Variants in TEKT5 observed in about 807,000 individuals in gnomAD.
TEKT5 encodes the protein tektin 5.
TEKT5 carries 52 observed loss-of-function variants against 48.7 expected under a neutral mutation model. That is an observed-to-expected ratio of 1.07 (90% CI 0.86 to 1.35). The LOEUF is 1.35. Among genes scored for constraint, TEKT5 ranks in the 40% most tolerant of loss-of-function variants. The pLI is 0.00. For synonymous variants in TEKT5, 318 were observed against 267.6 expected (o/e 1.19, Z -1.84); for missense variants, 831 against 641.6 (o/e 1.30, Z -3.19).
At chr16:10,691,709 G>A (rs916808780) in intron 1 of TEKT5, among the ~76,000 whole-genome samples, 6 of 152,148 alleles carry the variant, frequency 3.9e-5, no homozygotes, top group Non-Finnish European at 8.8e-5. Flanking sequence ...AGCACTTTGG[G>A]AGGCTGAGGT....
intron 5 of TEKT5, among the ~76,000 whole-genome samples, chr16:10,644,660 A>G (rs1001275342): frequency 1.3e-5 from 2 of 152,214 alleles, no homozygotes; most frequent in Non-Finnish European, 2.9e-5. Flanking sequence ...CTTCCTGACT[A>G]TAACATAAGC....
chr16:10,640,746 GT>G (rs200665278), intron 5 of TEKT5, among the ~76,000 whole-genome samples: 3,412 of 152,196 alleles, frequency 0.022, 130 homozygotes, highest in African/African-American at 0.079. Context: ...GAGGGAGGGG[GT>G]TCTGGCTTCT....
At chr16:10,693,847 G>A (rs888717549) in intron 1 of TEKT5, among the ~76,000 whole-genome samples, 1 of 152,158 alleles carries the variant, frequency 6.6e-6, no homozygotes, top group Non-Finnish European at 1.5e-5. Flanking sequence ...GCGGGCACCT[G>A]TAATCCCAGC....
chr16:10,689,291 C>T lies in TEKT5; in HGVS notation c.681G>A (p.Gln227=). The change falls in exon 3 of 7, where the codon CAG becomes CAA. Residue 227 remains glutamine, a synonymous_variant. Transcript: ENST00000283025. The stretch of plus-strand genomic sequence containing the variant: ...CAATTCTTTGAGCTAATTTTCTCAT[C>T]TGTTCTTGGCAACATTTTAGCAAAT... The part of the protein sequence containing the change: ...EVDLLKCCQE[Q]MRKLAQRIDI... The T allele has an allele frequency of 6.2e-7, 1 of 1,613,308 alleles. No homozygotes were observed. The highest frequency in any genetic ancestry group is 8.5e-7 in the Non-Finnish European group (1 of 1,179,794).
intron 5 of TEKT5, among the ~76,000 whole-genome samples, chr16:10,643,340 T>A (rs148710538): frequency 2.0e-5 from 3 of 151,790 alleles, no homozygotes; most frequent in Non-Finnish European, 2.9e-5. Context: ...GATGGCACCA[T>A]TGCACTGCAG....
At chr16:10,646,127 T>C (rs1258463189) in intron 5 of TEKT5, among the ~76,000 whole-genome samples, 5 of 149,674 alleles carry the variant, frequency 3.3e-5, no homozygotes, top group Non-Finnish European at 5.9e-5. Context: ...AGAGTAAGAC[T>C]CTGTCTCAAA....
intron 5 of TEKT5, among the ~76,000 whole-genome samples, chr16:10,671,251 T>C (rs1264162200): frequency 6.6e-6 from 1 of 152,162 alleles, no homozygotes; most frequent in African/African-American, 2.4e-5. Context: ...AATAGCCAAC[T>C]AAAAGAGCCT....
intron 5 of TEKT5, among the ~76,000 whole-genome samples, chr16:10,672,652 T>C (rs890007207): frequency 4.0e-5 from 6 of 151,788 alleles, no homozygotes; most frequent in African/African-American, 1.5e-4. Context: ...ATGTAAGGAG[T>C]ACCAGGCAGT....
intron 5 of TEKT5, among the ~76,000 whole-genome samples, chr16:10,638,113 G>A (rs1387824828): frequency 6.6e-6 from 1 of 152,114 alleles, no homozygotes. Context: ...CACCTGGTGG[G>A]AGTCTTTTAT....
At chr16:10,650,710 C>T (rs1332289298) in intron 5 of TEKT5, among the ~76,000 whole-genome samples, 1 of 151,842 alleles carries the variant, frequency 6.6e-6, no homozygotes, top group Non-Finnish European at 1.5e-5. Flanking sequence ...ATGGTGACAC[C>T]CCGTCTCTAC....
chr16:10,654,921 G>T, intron 5 of TEKT5, among the ~76,000 whole-genome samples: 1 of 108,410 alleles, frequency 9.2e-6, no homozygotes. Flanking sequence ...GGACTGTCCT[G>T]TCTCCCCCCC....
intron 3 of TEKT5, among the ~76,000 whole-genome samples, chr16:10,687,540 G>A (rs1438776966): frequency 6.6e-6 from 1 of 152,240 alleles, no homozygotes; most frequent in Non-Finnish European, 1.5e-5. Flanking sequence ...ATCACCTGAG[G>A]TCAGGAGTTC....
intron 5 of TEKT5, among the ~76,000 whole-genome samples, chr16:10,653,058 C>G (rs370898313): frequency 9.9e-5 from 15 of 152,230 alleles, no homozygotes; most frequent in African/African-American, 3.1e-4. Flanking sequence ...ACTGCAGGTC[C>G]CCTCCCCAGG....
intron 5 of TEKT5, among the ~76,000 whole-genome samples, chr16:10,672,719 G>A (rs554007659): frequency 1.5e-3 from 229 of 152,256 alleles, no homozygotes; most frequent in African/African-American, 5.3e-3. Flanking sequence ...AAACATATAG[G>A]CAAGTAAATC....
intron 3 of TEKT5, among the ~76,000 whole-genome samples, chr16:10,684,929 A>G (rs1009910915): frequency 1.6e-4 from 25 of 152,234 alleles, no homozygotes; most frequent in African/African-American, 6.0e-4. Flanking sequence ...ACCATGAGCC[A>G]AGAGCCTGGT....
At chr16:10,688,710 G>A (rs1044867397) in intron 3 of TEKT5, among the ~76,000 whole-genome samples, 1 of 152,206 alleles carries the variant, frequency 6.6e-6, no homozygotes, top group Non-Finnish European at 1.5e-5. Flanking sequence ...TTATGTGAGG[G>A]GCCCCCAGGC....
In TEKT5 at chr16:10,690,001, G is replaced by A. The variant is rs756093532; in HGVS notation, c.589C>T (p.Arg197Ter). The A allele has an allele frequency of 1.3e-5, 21 of 1,613,894 alleles. No individual in the cohort carries two copies. The Admixed American group carries it at 1.3e-4, about 10-fold the overall frequency. ...AAATCAATCCCAATCCTCTTCTCTC[G>A]ATGGTACAGACACTCCAAGGCCACC... ...LQVALECLYH[R>*]EKRIGIDLVH... Residue 197 changes from arginine (R) to a stop codon, truncating the protein, a stop_gained, in exon 2 of 7, where the codon CGA becomes TGA. Coordinates refer to ENST00000283025, the MANE Select transcript of TEKT5 (RefSeq NM_144674.2). LOFTEE classifies it high-confidence loss of function.
At chr16:10,645,730 AGGC>A (rs1468823846) in intron 5 of TEKT5, among the ~76,000 whole-genome samples, 1 of 152,178 alleles carries the variant, frequency 6.6e-6, no homozygotes, top group African/African-American at 2.4e-5. Context: ...TGAACCTGGG[AGGC>A]GGAGGTTGCA....
At position 10,649,322 on chromosome 16, in the gene TEKT5, G is replaced by T. The variant is rs1338876325; in HGVS notation, c.1087-13404C>A. 3.3e-5 allele frequency among the ~76,000 whole-genome samples: 5 copies of T among 152,144 alleles called. No homozygotes were observed. The East Asian group carries it at 9.6e-4, about 29-fold the overall frequency. On this transcript the variant is annotated intron_variant, in intron 5 of 6. Coordinates refer to ENST00000283025, the MANE Select transcript of TEKT5 (RefSeq NM_144674.2). ...GATGGGGTCTTGCTATGTTGCCCAG[G>T]CTGGTCTTGAACTCCTAGCCTCAAG...
Sources: allele counts gnomAD v4.1 joint callset (sites outside exome capture counted in the v4.1 genomes callset), GRCh38; gene constraint gnomAD v4.1.1; transcripts MANE v1.5; gene names NCBI Gene and HGNC (gene_info 2026-07-23, HGNC 2026-07-21).